THRB: variants seen among roughly 807,000 people sequenced by gnomAD.
The protein encoded by THRB is nuclear receptor subfamily 1 group A member 2.
A neutral mutation model predicts 47.8 loss-of-function variants in THRB; 12 were observed. The ratio of observed to expected loss-of-function variants is 0.25; its 90% CI spans 0.16 to 0.41. The LOEUF is 0.41. Ranked by LOEUF, THRB falls within the 10% of genes least tolerant of loss-of-function variation. THRB has a pLI of 1.00. For synonymous variants in THRB, 218 were observed against 212.2 expected, an observed-to-expected ratio of 1.03 and a Z score of -0.24; for missense variants, 348 against 589.2, an observed-to-expected ratio of 0.59 and a Z score of 4.24.
intron 3 of THRB, among the ~76,000 whole-genome samples, chr3:24,229,318 A>C (rs576307391): frequency 6.6e-6 from 1 of 152,282 alleles, no homozygotes; most frequent in East Asian, 1.9e-4. Context: ...AGTGGCTAAG[A>C]TGTATTAGCA....
chr3:24,488,010 A>G (rs1697562882), intron 1 of THRB, among the ~76,000 whole-genome samples: 1 of 152,236 alleles, frequency 6.6e-6, no homozygotes, highest in Admixed American at 6.5e-5. Context: ...CAAGAGTTAC[A>G]ATACTCAACA....
rs1575225376 is a variant in THRB, at chr3:24,121,882, A to G, written c.*1002T>C. On this transcript the variant is annotated 3_prime_UTR_variant, in exon 11 of 11. Transcript: ENST00000646209. ...AATGTAGCTGCACTAATCTCGCCTC[A>G]GCATTTCTCCAGAAGAAGACTGAAG... 1 of 152,582 alleles carries G rather than the reference A, an allele frequency of 6.6e-6. No homozygotes were observed. 9.5% of individuals were successfully genotyped at this position (152,582 alleles called of 1,614,324 possible). A position where few individuals can be genotyped will look rare whatever the true frequency, so the allele number is the denominator to read the frequency against.
intron 1 of THRB, among the ~76,000 whole-genome samples, chr3:24,447,663 C>T (rs149810234): frequency 6.6e-6 from 1 of 152,046 alleles, no homozygotes; most frequent in African/African-American, 2.4e-5. Context: ...TAGCAAAACT[C>T]TATGATCTGA....
chr3:24,479,047 C>A (rs887379627), intron 1 of THRB, among the ~76,000 whole-genome samples: 7 of 152,124 alleles, frequency 4.6e-5, no homozygotes, highest in African/African-American at 1.7e-4. Flanking sequence ...GCCTGTAATC[C>A]CAGCACTTTG....
chr3:24,358,082 G>T (rs938841531), intron 1 of THRB, among the ~76,000 whole-genome samples: 1 of 152,020 alleles, frequency 6.6e-6, no homozygotes, highest in Admixed American at 6.6e-5. Context: ...ACTGGTTCCT[G>T]GTAGATGTTT....
intron 1 of THRB, among the ~76,000 whole-genome samples, chr3:24,402,680 A>G (rs949545241): frequency 6.6e-6 from 1 of 152,014 alleles, no homozygotes; most frequent in African/African-American, 2.4e-5. Flanking sequence ...ACTACCATTT[A>G]TTTAACTAAT....
rs1312227025 is a variant in THRB, at chr3:24,470,486, G to T, written c.-261+24166C>A. Among the ~76,000 whole-genome samples, 5 of 152,270 alleles carry T rather than the reference G, an allele frequency of 3.3e-5. No individual in the cohort carries two copies. In the Middle Eastern group the frequency reaches 0.01, roughly 311 times the overall value. ...AATCTACTTTCTAAGGCTGTTACGA[G>T]GATTAAATAGGTTAACATACGTAAA... On this transcript the variant is annotated intron_variant, in intron 1 of 10. Coordinates refer to ENST00000646209, the MANE Select transcript of THRB (RefSeq NM_001354712.2).
At chr3:24,147,166 T>C (rs540613304) in intron 6 of THRB, among the ~76,000 whole-genome samples, 9 of 152,158 alleles carry the variant, frequency 5.9e-5, no homozygotes, top group Non-Finnish European at 8.8e-5. Context: ...ACTGACATAA[T>C]TGTGTTGCTA....
At chr3:24,215,320 T>C (rs1184737067) in intron 4 of THRB, among the ~76,000 whole-genome samples, 1 of 152,220 alleles carries the variant, frequency 6.6e-6, no homozygotes, top group Non-Finnish European at 1.5e-5. Flanking sequence ...GCCCCCATTT[T>C]ACAAGGAGAA....
intron 5 of THRB, among the ~76,000 whole-genome samples, chr3:24,170,087 C>T (rs1055589646): frequency 6.6e-6 from 1 of 152,176 alleles, no homozygotes; most frequent in Non-Finnish European, 1.5e-5. Context: ...CAACCATCAA[C>T]TTGACATCTC....
At chr3:24,342,677 G>A (rs981576975) in intron 1 of THRB, among the ~76,000 whole-genome samples, 1 of 152,120 alleles carries the variant, frequency 6.6e-6, no homozygotes, top group Non-Finnish European at 1.5e-5. Context: ...AGGATCTGTG[G>A]GCAAGCAGGT....
chr3:24,274,668 T>C (rs1388408513), intron 3 of THRB, among the ~76,000 whole-genome samples: 1 of 152,150 alleles, frequency 6.6e-6, no homozygotes, highest in Non-Finnish European at 1.5e-5. Context: ...AGCAGCTCAA[T>C]TTCACAGGTG....
chr3:24,138,566 G>A (rs2035004963), intron 8 of THRB, among the ~76,000 whole-genome samples: 1 of 152,136 alleles, frequency 6.6e-6, no homozygotes, highest in Admixed American at 6.5e-5. Flanking sequence ...ACTTAAAAAA[G>A]CAACAAAGGC....
At chr3:24,238,280 G>GT (rs1559698924) in intron 3 of THRB, among the ~76,000 whole-genome samples, 62 of 28,364 alleles carry the variant, frequency 2.2e-3, no homozygotes, top group African/African-American at 9.8e-3. Context: ...TGTGTGTGTG[G>GT]GGGGGGGGGG....
chr3:24,438,535 G>GTGTGTGTA (rs2071214344), intron 1 of THRB, among the ~76,000 whole-genome samples: 1 of 151,512 alleles, frequency 6.6e-6, no homozygotes, highest in Non-Finnish European at 1.5e-5. Context: ...GTGTGTGTGT[G>GTGTGTGTA]TGCACATGCA....
At chr3:24,402,499 C>CTTT (rs60751951) in intron 1 of THRB, among the ~76,000 whole-genome samples, 61,217 of 134,354 alleles carry the variant, frequency 0.46, 14,296 homozygotes, top group Admixed American at 0.49. Flanking sequence ...TTCTTTCTTC[C>CTTT]TTTTTTTTTT....
At chr3:24,211,211 A>G (rs2045989389) in intron 4 of THRB, among the ~76,000 whole-genome samples, 1 of 152,004 alleles carries the variant, frequency 6.6e-6, no homozygotes, top group African/African-American at 2.4e-5. Flanking sequence ...AAAAAAAAAA[A>G]AAGATGGTGG....
chr3:24,273,944 G>A (rs571792820), intron 3 of THRB, among the ~76,000 whole-genome samples: 6 of 152,152 alleles, frequency 3.9e-5, no homozygotes, highest in African/African-American at 1.2e-4. Context: ...TCTTGCTTTG[G>A]GGGTAGGAAA....
intron 5 of THRB, among the ~76,000 whole-genome samples, chr3:24,152,763 C>A (rs1664441503): frequency 6.6e-6 from 1 of 151,928 alleles, no homozygotes; most frequent in Admixed American, 6.6e-5. Context: ...GAGTTCAAGA[C>A]CAGCCTGGCC....
Sources: gnomAD v4.1 joint callset for allele counts (sites outside exome capture counted in the v4.1 genomes callset) on GRCh38, gnomAD v4.1.1 for gene constraint, MANE v1.5 for transcripts, NCBI Gene and HGNC (gene_info 2026-07-23, HGNC 2026-07-21) for gene names.